CLIC5: variants seen among roughly 807,000 people sequenced by gnomAD.
CLIC5 encodes chloride intracellular channel protein 5.
In CLIC5, 20 loss-of-function variants were observed where a neutral mutation model predicts 24.7. That is an observed-to-expected ratio of 0.81 (90% CI 0.57 to 1.18). The LOEUF (loss-of-function observed/expected upper bound fraction) is 1.18, where lower values mean the gene tolerates loss of function less well. Ranked by LOEUF, CLIC5 falls within the 50% of genes most tolerant of loss-of-function variation. The pLI, the probability that CLIC5 is intolerant of heterozygous loss-of-function variation, is 0.00. For missense variants in CLIC5, 341 were observed against 326.1 expected (o/e 1.05, Z -0.35); for synonymous variants, 159 against 135.6 (o/e 1.17, Z -1.20).
the CLIC5 span, among the ~76,000 whole-genome samples, chr6:46,085,435 C>T: frequency 5.1e-3 from 781 of 152,180 alleles, 8 homozygotes; most frequent in African/African-American, 0.017. Flanking sequence ...ATGATGGTGA[C>T]GTACAGATGG....
intron 4 of CLIC5, among the ~76,000 whole-genome samples, chr6:45,940,730 G>A (rs78142457): frequency 0.027 from 4,181 of 152,304 alleles, 192 homozygotes; most frequent in African/African-American, 0.093. Flanking sequence ...GGCTGCCATT[G>A]CCCATAGGAT....
chr6:45,917,114 T>G (rs961727773), intron 4 of CLIC5, among the ~76,000 whole-genome samples: 1 of 152,322 alleles, frequency 6.6e-6, no homozygotes, highest in East Asian at 1.9e-4. Flanking sequence ...TATTGGTACT[T>G]ATTGTATTGC....
chr6:46,030,440 C>T (rs1767465659), intron 1 of CLIC5, among the ~76,000 whole-genome samples: 1 of 152,144 alleles, frequency 6.6e-6, no homozygotes, highest in Non-Finnish European at 1.5e-5. Flanking sequence ...TTCTCTCTTT[C>T]TTGGCCACCC....
chr6:45,966,578 C>T (rs1581800875), intron 1 of CLIC5, among the ~76,000 whole-genome samples: 1 of 152,326 alleles, frequency 6.6e-6, no homozygotes, highest in Non-Finnish European at 1.5e-5. Flanking sequence ...ATCAGAGTCT[C>T]TGGGCTCAGG....
At chr6:46,013,457 A>G (rs559080652) in intron 1 of CLIC5, among the ~76,000 whole-genome samples, 1 of 152,354 alleles carries the variant, frequency 6.6e-6, no homozygotes, top group East Asian at 1.9e-4. Flanking sequence ...CCTGAAGCTC[A>G]AAAAGATGGG....
intron 4 of CLIC5, among the ~76,000 whole-genome samples, chr6:45,933,874 G>T (rs962094131): frequency 2.0e-5 from 3 of 152,186 alleles, no homozygotes; most frequent in African/African-American, 7.2e-5. Context: ...AGAACACAGG[G>T]ATTGTGAGAT....
At chr6:46,060,471 T>C (rs1483223272) in intron 1 of CLIC5, among the ~76,000 whole-genome samples, 1 of 152,156 alleles carries the variant, frequency 6.6e-6, no homozygotes, top group African/African-American at 2.4e-5. Flanking sequence ...GCTTATTTTG[T>C]GCCTAGAATT....
rs555948619 is a variant in CLIC5 at position 46,049,541 on chromosome 6, C to T, written c.540+30162G>A. ...GCCCTCAGTATTAAGCAGAGTATCACATAGTTAAAAATACAGGCTTTGGAG... is the reference window on the plus strand; with the variant it reads ...GCCCTCAGTATTAAGCAGAGTATCATATAGTTAAAAATACAGGCTTTGGAG... On this transcript the variant is annotated intron_variant, in intron 1 of 5. Coordinates refer to the CLIC5 transcript ENST00000185206. Among the ~76,000 whole-genome samples, 17 of 152,244 alleles carry T rather than the reference C, an allele frequency of 1.1e-4. 1 individual carries two copies. In the East Asian group the frequency reaches 3.1e-3, roughly 28 times the overall value.
the CLIC5 span, among the ~76,000 whole-genome samples, chr6:46,096,687 C>T: frequency 2.6e-5 from 4 of 152,172 alleles, no homozygotes; most frequent in Non-Finnish European, 5.9e-5. Flanking sequence ...CTGGTCCTGC[C>T]TTGAGTCTTT....
At chr6:46,067,839 G>A (rs767000901) in intron 1 of CLIC5, among the ~76,000 whole-genome samples, 1 of 152,166 alleles carries the variant, frequency 6.6e-6, no homozygotes, top group Non-Finnish European at 1.5e-5. Flanking sequence ...GGCTGCCCAT[G>A]TCTGGGGGTT....
intron 2 of CLIC5, among the ~76,000 whole-genome samples, chr6:45,953,434 G>A (rs1392544195): frequency 2.0e-5 from 3 of 152,080 alleles, no homozygotes; most frequent in Non-Finnish European, 2.9e-5. Flanking sequence ...AGAGGGGATG[G>A]GCTGAAGCTG....
chr6:45,998,056 G>A (rs373112508), intron 1 of CLIC5, among the ~76,000 whole-genome samples: 1 of 152,360 alleles, frequency 6.6e-6, no homozygotes, highest in African/African-American at 2.4e-5. Context: ...TCATAAGACA[G>A]TATTCTCCTT....
intron 2 of CLIC5, among the ~76,000 whole-genome samples, chr6:45,952,513 C>T (rs973149640): frequency 1.2e-4 from 19 of 152,322 alleles, no homozygotes; most frequent in Admixed American, 1.2e-3. Context: ...ATTAAGAAGA[C>T]ACTGTCTCCA....
At chr6:46,002,000 C>T (rs1332807735) in intron 1 of CLIC5, among the ~76,000 whole-genome samples, 1 of 152,090 alleles carries the variant, frequency 6.6e-6, no homozygotes, top group East Asian at 1.9e-4. Flanking sequence ...GAGGCTGGAC[C>T]ACCCCCACCC....
chr6:45,944,966 C>T (rs1433234936), intron 3 of CLIC5, among the ~76,000 whole-genome samples: 2 of 152,226 alleles, frequency 1.3e-5, no homozygotes, highest in Admixed American at 1.3e-4. Context: ...ATGCATCTGA[C>T]TTTTCTAATC....
At chr6:46,109,633 T>C in the CLIC5 span, among the ~76,000 whole-genome samples, 21 of 151,762 alleles carry the variant, frequency 1.4e-4, no homozygotes, top group East Asian at 3.7e-3. Flanking sequence ...ACTGAAATAA[T>C]TTTTTATAAC....
At chr6:45,965,825 G>A (rs955866157) in intron 1 of CLIC5, among the ~76,000 whole-genome samples, 1 of 152,174 alleles carries the variant, frequency 6.6e-6, no homozygotes, top group Non-Finnish European at 1.5e-5. Flanking sequence ...AGATGCTATG[G>A]AAATTAATGG....
Position 45,953,627 on chromosome 6 carries a change from C to T in CLIC5, c.173+1508G>A, listed in dbSNP as rs932846257. The stretch of plus-strand genomic sequence containing the variant: ...GGGAAGAATGAAGGAAAAGACAAAT[C>T]GGGGCTTCGGATGCATCAAGTCCAT... On this transcript the variant is annotated intron_variant, in intron 2 of 5. Coordinates refer to ENST00000339561, the MANE Select transcript of CLIC5 (RefSeq NM_016929.5). Among the ~76,000 whole-genome samples the T allele has an allele frequency of 2.0e-5, 3 of 151,432 alleles. No homozygotes were observed. The East Asian group carries it at 5.9e-4, about 30-fold the overall frequency.
chr6:45,881,076 A>G (rs1197563797), exon 7 of CLIC5: 1 of 398,446 alleles, frequency 2.5e-6, no homozygotes, highest in East Asian at 3.6e-5. Context: ...TTCCACATTT[A>G]GAAATTTCAG....
Sources: allele counts gnomAD v4.1 joint callset (sites outside exome capture counted in the v4.1 genomes callset), GRCh38; gene constraint gnomAD v4.1.1; transcripts MANE v1.5; gene names NCBI Gene and HGNC (gene_info 2026-07-23, HGNC 2026-07-21).